Variants in TENM4 observed in about 807,000 individuals in gnomAD.
The protein encoded by TENM4 is teneurin transmembrane protein 4, also known as teneurin-4.
TENM4 carries 82 observed loss-of-function variants against 243.3 expected under a neutral mutation model. That is an observed-to-expected ratio of 0.34 (90% CI 0.28 to 0.40). The LOEUF is 0.40. Among genes scored for constraint, TENM4 ranks in the 10% least tolerant of loss-of-function variants. The pLI, the probability that TENM4 is intolerant of heterozygous loss-of-function variation, is 1.00. For synonymous variants in TENM4, 1,412 were observed against 1,456.3 expected, an observed-to-expected ratio of 0.97 and a Z score of 0.69; for missense variants, 3,138 against 3,673.3, an observed-to-expected ratio of 0.85 and a Z score of 3.77.
At chr11:79,110,809 C>T (rs550706269) in intron 4 of TENM4, among the ~76,000 whole-genome samples, 7 of 152,242 alleles carry the variant, frequency 4.6e-5, no homozygotes, top group South Asian at 4.2e-4. Context: ...GGCCCTTTGC[C>T]GGTAAAGCAC....
chr11:79,375,063 C>G (rs1437320145), intron 1 of TENM4, among the ~76,000 whole-genome samples: 1 of 152,164 alleles, frequency 6.6e-6, no homozygotes, highest in Admixed American at 6.5e-5. Flanking sequence ...CTTTGTCCAG[C>G]CCATAATAAG....
At chr11:78,899,539 C>T (rs1019717705) in intron 7 of TENM4, among the ~76,000 whole-genome samples, 10 of 124,118 alleles carry the variant, frequency 8.1e-5, no homozygotes, top group African/African-American at 2.9e-4. Flanking sequence ...GATCATGCCA[C>T]TGCACTCTGT....
At chr11:79,365,348 A>G (rs939721411) in intron 1 of TENM4, among the ~76,000 whole-genome samples, 3 of 152,138 alleles carry the variant, frequency 2.0e-5, no homozygotes, top group Non-Finnish European at 4.4e-5. Context: ...GGCCCCTAAA[A>G]AATCAGACAG....
At chr11:78,923,625 C>T (rs1856492886) in intron 6 of TENM4, among the ~76,000 whole-genome samples, 1 of 148,426 alleles carries the variant, frequency 6.7e-6, no homozygotes, top group South Asian at 2.2e-4. Flanking sequence ...GCAACTTCTG[C>T]TTCCTGTGTT....
intron 19 of TENM4, among the ~76,000 whole-genome samples, chr11:78,739,094 G>A (rs1044935756): frequency 3.3e-5 from 5 of 152,136 alleles, no homozygotes; most frequent in African/African-American, 1.2e-4. Flanking sequence ...AGGAGAGAAG[G>A]TACTTCCTTT....
In TENM4 at chr11:78,676,439, G is replaced by A. The variant is rs1858480508; in HGVS notation, c.5261-52C>T. ...CTCAGAAGGAACGAAGGTGGAGGGA[G>A]GTGTGAGGACAGCAGAGGCGGTGGA... On this transcript the variant is annotated intron_variant, in intron 29 of 33. Transcript: ENST00000278550. 2.7e-6 allele frequency: 4 copies of A among 1,487,104 alleles called. No homozygotes were observed. In the Admixed American group the frequency reaches 5.6e-5, roughly 21 times the overall value. The allele number at this position is 1,487,104 out of a possible 1,614,324, so 92.1% of individuals were successfully genotyped here. A position where few individuals can be genotyped will look rare whatever the true frequency, so the allele number is the denominator to read the frequency against.
intron 4 of TENM4, among the ~76,000 whole-genome samples, chr11:79,094,587 G>A (rs1433822576): frequency 6.6e-6 from 1 of 152,162 alleles, no homozygotes; most frequent in Non-Finnish European, 1.5e-5. Flanking sequence ...TGGGGGGTGG[G>A]GGATATTGTC....
chr11:79,429,098 T>G (rs1859114417), intron 1 of TENM4, among the ~76,000 whole-genome samples: 1 of 151,996 alleles, frequency 6.6e-6, no homozygotes, highest in Non-Finnish European at 1.5e-5. Context: ...GAGAAACAGG[T>G]GTAATATCAT....
chr11:79,302,985 T>TGGA (rs1380698266), intron 1 of TENM4, among the ~76,000 whole-genome samples: 1 of 152,168 alleles, frequency 6.6e-6, no homozygotes, highest in Non-Finnish European at 1.5e-5. Context: ...GGGCCTATTA[T>TGGA]GGAGGGCTTA....
In TENM4 at chr11:79,109,653, T is replaced by C. The variant is rs149276459; in HGVS notation, c.-66+39057A>G. Among the ~76,000 whole-genome samples the C allele has an allele frequency of 6.2e-3, 949 of 152,348 alleles. 11 individuals are homozygous for C. Among genetic ancestry groups the C allele is most frequent in the African/African-American group, 0.022 (919 of 41,578 alleles). ...TCCTGCATGTAAAATAGCTATGAAG[T>C]GTCAAAGGGTTGCCGAGTAGGTAAC... On this transcript the variant is annotated intron_variant, in intron 4 of 33. Coordinates refer to ENST00000278550, the MANE Select transcript of TENM4 (RefSeq NM_001098816.3).
intron 6 of TENM4, among the ~76,000 whole-genome samples, chr11:79,032,566 C>T (rs1318753704): frequency 2.0e-5 from 3 of 152,144 alleles, no homozygotes. Flanking sequence ...GACGTGAAAG[C>T]CTTTCAAATG....
intron 2 of TENM4, among the ~76,000 whole-genome samples, chr11:79,233,016 C>T (rs1335513693): frequency 6.6e-6 from 1 of 152,198 alleles, no homozygotes; most frequent in Non-Finnish European, 1.5e-5. Context: ...TCCCTCTAGG[C>T]TTGTTGGGCA....
chr11:79,018,122 C>T (rs1858826659), intron 6 of TENM4, among the ~76,000 whole-genome samples: 1 of 152,054 alleles, frequency 6.6e-6, no homozygotes, highest in African/African-American at 2.4e-5. Context: ...ATCTTGTTGC[C>T]CAACTGAATG....
In TENM4 at chr11:79,215,873, A is replaced by G; in HGVS notation, c.-228T>C. 9 of 985,662 alleles carry G rather than the reference A, an allele frequency of 9.1e-6. No homozygotes were observed. Among genetic ancestry groups the G allele is most frequent in the Non-Finnish European group, 1.1e-5 (9 of 829,728 alleles). 61.1% of individuals were successfully genotyped at this position (985,662 alleles called of 1,614,324 possible). A position where few individuals can be genotyped will look rare whatever the true frequency, so the allele number is the denominator to read the frequency against. On this transcript the variant is annotated 5_prime_UTR_variant, in exon 3 of 34. Transcript: ENST00000278550. ...CGTGGGCCCTGCAGCCCTCTCTCCA[A>G]GGCCATTGGATCCTGGAGGATGGTG...
At chr11:78,685,698 GTAT>G (rs1858648783) in intron 29 of TENM4, among the ~76,000 whole-genome samples, 1 of 152,218 alleles carries the variant, frequency 6.6e-6, no homozygotes, top group Admixed American at 6.5e-5. Flanking sequence ...CAGTTTAGCA[GTAT>G]GGAATGGATG....
At chr11:78,983,428 G>T (rs546047082) in intron 6 of TENM4, among the ~76,000 whole-genome samples, 3 of 152,216 alleles carry the variant, frequency 2.0e-5, no homozygotes, top group Non-Finnish European at 4.4e-5. Context: ...TCACAAGTCA[G>T]CTAAACTGTG....
chr11:79,418,364 A>G (rs1858861939), intron 1 of TENM4, among the ~76,000 whole-genome samples: 1 of 152,156 alleles, frequency 6.6e-6, no homozygotes, highest in African/African-American at 2.4e-5. Context: ...ACAAGCAAAA[A>G]CACTGAAACT....
At chr11:79,155,371 G>A (rs1028998367) in intron 3 of TENM4, among the ~76,000 whole-genome samples, 1 of 147,174 alleles carries the variant, frequency 6.8e-6, no homozygotes, top group African/African-American at 2.5e-5. Flanking sequence ...TTTTTTTTTG[G>A]CTTGAAATAA....
chr11:79,414,038 G>A (rs10899619), intron 1 of TENM4, among the ~76,000 whole-genome samples: 94,367 of 151,772 alleles, frequency 0.62, 29,395 homozygotes, highest in Non-Finnish European at 0.63. Flanking sequence ...CACAAGATAC[G>A]TATAATTTAT....
Sources: allele counts gnomAD v4.1 joint callset (sites outside exome capture counted in the v4.1 genomes callset), GRCh38; gene constraint gnomAD v4.1.1; transcripts MANE v1.5; gene names NCBI Gene and HGNC (gene_info 2026-07-23, HGNC 2026-07-21).